Variants in PIK3C2A observed in about 807,000 individuals in gnomAD.
PIK3C2A encodes phosphatidylinositol-4-phosphate 3-kinase catalytic subunit type 2 alpha.
PIK3C2A carries 97 observed loss-of-function variants against 204.5 expected under a neutral mutation model. The ratio of observed to expected loss-of-function variants is 0.47; its 90% CI spans 0.40 to 0.56. The LOEUF is 0.56. PIK3C2A is among the 20% of genes least tolerant of loss of function. The pLI, the probability that PIK3C2A is intolerant of heterozygous loss-of-function variation, is 0.00. For synonymous variants in PIK3C2A, 653 were observed against 664.4 expected, an observed-to-expected ratio of 0.98 and a Z score of 0.26; for missense variants, 1,735 against 1,969.2, an observed-to-expected ratio of 0.88 and a Z score of 2.25.
intron 1 of PIK3C2A, among the ~76,000 whole-genome samples, chr11:17,174,857 A>C (rs189102481): frequency 1.6e-3 from 247 of 152,206 alleles, no homozygotes; most frequent in African/African-American, 5.4e-3. Context: ...AGCCAAGGTC[A>C]CCATTGCACT....
At chr11:17,101,553 T>C in intron 24 of PIK3C2A, 119 bp from the exon 25 acceptor site, 1 of 443,502 alleles carries the variant, frequency 2.3e-6, no homozygotes, top group Non-Finnish European at 4.0e-6. Context: ...GGAAACTTAA[T>C]ACCACACACT....
chr11:17,127,510 T>C (rs944887428), intron 13 of PIK3C2A, among the ~76,000 whole-genome samples: 28 of 152,114 alleles, frequency 1.8e-4, no homozygotes, highest in African/African-American at 6.8e-4. Flanking sequence ...GGTTTCACCA[T>C]GTTGGCCAGA....
intron 17 of PIK3C2A, among the ~76,000 whole-genome samples, chr11:17,118,979 T>C (rs1326364055): frequency 2.6e-5 from 4 of 152,132 alleles, no homozygotes; most frequent in Non-Finnish European, 5.9e-5. Flanking sequence ...AAGGAAAAGC[T>C]CAAGTCTGGT....
chr11:17,206,583 T>C (rs1454525993), intron 1 of PIK3C2A, among the ~76,000 whole-genome samples: 1 of 148,740 alleles, frequency 6.7e-6, no homozygotes, highest in African/African-American at 2.5e-5. Context: ...AGACCCCATG[T>C]CAATTAAAAA....
At chr11:17,120,786 C>CATTTTTTAA (rs1421062665) in intron 15 of PIK3C2A, among the ~76,000 whole-genome samples, 1 of 152,200 alleles carries the variant, frequency 6.6e-6, no homozygotes, top group Admixed American at 6.5e-5. Flanking sequence ...AAAATTAGTA[C>CATTTTTTAA]ATACAGCTAT....
intron 24 of PIK3C2A, among the ~76,000 whole-genome samples, chr11:17,101,835 C>T (rs1487603679): frequency 6.6e-6 from 1 of 151,810 alleles, no homozygotes; most frequent in Non-Finnish European, 1.5e-5. Flanking sequence ...GATCTCCTGA[C>T]CTTGTGATCC....
At chr11:17,102,371 AG>A (rs1449167483) in intron 24 of PIK3C2A, among the ~76,000 whole-genome samples, 2 of 152,322 alleles carry the variant, frequency 1.3e-5, no homozygotes, top group Non-Finnish European at 2.9e-5. Flanking sequence ...CGGGAGGCGG[AG>A]CTTGCAGTGA....
At chr11:17,124,941 G>A (rs1047839226) in intron 13 of PIK3C2A, among the ~76,000 whole-genome samples, 2 of 152,084 alleles carry the variant, frequency 1.3e-5, no homozygotes, top group African/African-American at 2.4e-5. Context: ...TAGACCTAGA[G>A]GCCTGATTTG....
Position 17,122,789 on chromosome 11 carries a change from A to C in PIK3C2A, c.2424T>G (p.Leu808=). Residue 808 remains leucine (L), a synonymous_variant, in exon 14 of 33, where the codon CTT becomes CTG. Transcript: ENST00000691414. The stretch of plus-strand genomic sequence containing the variant: ...TATGTGATGAAGTCCAAAGATATAG[A>C]AGTTTAGTTCCACATGTTAAAAACC... ...FKRFLTCGTK[L]LYLWTSSHTN... The C allele has an allele frequency of 2.0e-6, 3 of 1,508,462 alleles. No individual in the cohort carries two copies. Among genetic ancestry groups the C allele is most frequent in the Non-Finnish European group, 2.7e-6 (3 of 1,094,328 alleles). 93.4% of individuals were successfully genotyped at this position (1,508,462 alleles called of 1,614,324 possible).
chr11:17,152,002 C>T (rs759189259), intron 3 of PIK3C2A, among the ~76,000 whole-genome samples: 16 of 152,056 alleles, frequency 1.1e-4, no homozygotes, highest in African/African-American at 3.1e-4. Flanking sequence ...TTTCAGAAAC[C>T]GTTAAGGATG....
intron 8 of PIK3C2A, chr11:17,138,387 G>A: frequency 5.3e-6 from 2 of 379,062 alleles, no homozygotes; most frequent in Non-Finnish European, 9.9e-6. Flanking sequence ...ACCTCTAGCT[G>A]CACCCTCATG....
intron 24 of PIK3C2A, among the ~76,000 whole-genome samples, chr11:17,101,811 G>T (rs373449293): frequency 2.0e-5 from 3 of 151,686 alleles, no homozygotes; most frequent in Non-Finnish European, 4.4e-5. Context: ...CACCGTGTTA[G>T]CCAGGATGGT....
intron 1 of PIK3C2A, chr11:17,193,534 G>T (rs1852011853): frequency 4.5e-6 from 2 of 444,204 alleles, no homozygotes; most frequent in South Asian, 3.2e-5. Flanking sequence ...TCCCGAAAAT[G>T]GCACAGAAAT....
At chr11:17,196,494 T>A (rs1591025428) in intron 1 of PIK3C2A, among the ~76,000 whole-genome samples, 1 of 152,170 alleles carries the variant, frequency 6.6e-6, no homozygotes, top group Non-Finnish European at 1.5e-5. Context: ...AACAAAATGG[T>A]ACATACAGAC....
intron 2 of PIK3C2A, among the ~76,000 whole-genome samples, chr11:17,158,049 C>T (rs1477296479): frequency 2.0e-5 from 3 of 151,488 alleles, no homozygotes; most frequent in Non-Finnish European, 4.4e-5. Context: ...CCACATGTGT[C>T]AAAAATCTAT....
At chr11:17,092,361 C>A in intron 28 of PIK3C2A, 85 bp from the exon 29 acceptor site, 3 of 737,318 alleles carry the variant, frequency 4.1e-6, no homozygotes, top group Non-Finnish European at 7.1e-6. Flanking sequence ...TACTTAAAGA[C>A]AAAGTAGTCT....
At position 17,201,858 on chromosome 11, in the gene PIK3C2A, T is replaced by C. The variant is rs1852397757; in HGVS notation, c.-66+5990A>G. Among the ~76,000 whole-genome samples the C allele has an allele frequency of 2.0e-5, 3 of 152,316 alleles. No individual in the cohort carries two copies. The South Asian group carries it at 6.2e-4, about 32-fold the overall frequency. ...TAGTTGGTCTCTCCTAGTTGGAATA[T>C]AAACTTCCCAAAGGCAGGAAGTAAC... On this transcript the variant is annotated intron_variant, in intron 1 of 32. Transcript: ENST00000691414.
intron 1 of PIK3C2A, among the ~76,000 whole-genome samples, chr11:17,186,477 T>C (rs555681939): frequency 1.1e-3 from 163 of 152,302 alleles, no homozygotes; most frequent in African/African-American, 3.7e-3. Flanking sequence ...GTTAAACAAA[T>C]AGGTGAAATT....
intron 22 of PIK3C2A, among the ~76,000 whole-genome samples, chr11:17,108,026 A>G (rs962814731): frequency 6.6e-6 from 1 of 152,088 alleles, no homozygotes; most frequent in African/African-American, 2.4e-5. Context: ...ATGCACCACC[A>G]CGCCTGGCTA....
Sources: gnomAD v4.1 joint callset for allele counts (sites outside exome capture counted in the v4.1 genomes callset) on GRCh38, gnomAD v4.1.1 for gene constraint, MANE v1.5 for transcripts, NCBI Gene and HGNC (gene_info 2026-07-23, HGNC 2026-07-21) for gene names.